Variants in YEATS2 observed in about 807,000 individuals in gnomAD.
YEATS2 encodes the protein YEATS domain-containing protein 2.
Under a neutral mutation model 163.2 loss-of-function variants are expected in YEATS2, and 77 were observed. The ratio of observed to expected loss-of-function variants is 0.47; its 90% CI spans 0.39 to 0.57. YEATS2 has a LOEUF of 0.57. Ranked by LOEUF, YEATS2 falls within the 20% of genes least tolerant of loss-of-function variation. The pLI is 0.00. For synonymous variants in YEATS2, 631 were observed against 645.1 expected, an observed-to-expected ratio of 0.98 and a Z score of 0.33; for missense variants, 1,549 against 1,729.8, an observed-to-expected ratio of 0.90 and a Z score of 1.85.
In YEATS2 at chr3:183,800,707, A is replaced by C. The variant is rs113767105; in HGVS notation, c.3428+139A>C. 3.8e-5 allele frequency: 25 copies of C among 652,576 alleles called. 1 individual carries two copies. In the South Asian group the frequency reaches 4.7e-4, roughly 12 times the overall value. The allele number at this position is 652,576 out of a possible 1,614,324, so 40.4% of individuals were successfully genotyped here. A position where few individuals can be genotyped will look rare whatever the true frequency, so the allele number is the denominator to read the frequency against. The stretch of plus-strand genomic sequence containing the variant: ...ACTGTCTGTCCCCGTGCAGTGGACA[A>C]GTGTTACCACTTGATGCACAGCTGA... On this transcript the variant is annotated intron_variant, in intron 24 of 30. Transcript: ENST00000305135.
At chr3:183,804,531 C>G (rs771702841) in intron 27 of YEATS2, among the ~76,000 whole-genome samples, 17 of 152,174 alleles carry the variant, frequency 1.1e-4, no homozygotes, top group Admixed American at 2.0e-4. Context: ...TTAGGGACAC[C>G]CCCCATGCCC....
chr3:183,802,512 T>C (rs1487148769), intron 25 of YEATS2: 1 of 151,182 alleles, frequency 6.6e-6, no homozygotes, highest in East Asian at 2.0e-4. Context: ...TGTGTGTGTA[T>C]ACATGTATAT....
intron 18 of YEATS2, 143 bp downstream of exon 18, chr3:183,776,266 G>A (rs369199458): frequency 3.9e-5 from 36 of 917,688 alleles, no homozygotes; most frequent in East Asian, 3.7e-4. Context: ...TATCTTGGCC[G>A]GGTGTGGTAA....
At chr3:183,784,379 G>A (rs1213000028) in intron 19 of YEATS2, among the ~76,000 whole-genome samples, 1 of 152,086 alleles carries the variant, frequency 6.6e-6, no homozygotes, top group Non-Finnish European at 1.5e-5. Flanking sequence ...TTGGCTACTT[G>A]TATATCTTCT....
chr3:183,748,926 A>G (rs1322646580), intron 9 of YEATS2, among the ~76,000 whole-genome samples: 7 of 151,778 alleles, frequency 4.6e-5, no homozygotes, highest in Non-Finnish European at 1.0e-4. Context: ...GTGTGTGTAT[A>G]TATATATATT....
At chr3:183,729,522 C>T (rs1198465331) in intron 7 of YEATS2, among the ~76,000 whole-genome samples, 1 of 152,094 alleles carries the variant, frequency 6.6e-6, no homozygotes, top group Non-Finnish European at 1.5e-5. Context: ...GAAAGTTTCC[C>T]ATGATCTCAC....
intron 1 of YEATS2, among the ~76,000 whole-genome samples, chr3:183,698,497 G>C (rs2108940533): frequency 6.6e-6 from 1 of 152,344 alleles, no homozygotes; most frequent in East Asian, 1.9e-4. Context: ...GTGCGGGGCG[G>C]AGTGGAAGCC....
At chr3:183,790,705 T>C in intron 20 of YEATS2, 92 bp from the exon 21 acceptor site, 1 of 1,369,380 alleles carries the variant, frequency 7.3e-7, no homozygotes, top group Non-Finnish European at 1.0e-6. Context: ...ATAGATGATA[T>C]TTAGTGTGTG....
At chr3:183,714,499 A>ATTT (rs928110039) in intron 1 of YEATS2, among the ~76,000 whole-genome samples, 1 of 147,226 alleles carries the variant, frequency 6.8e-6, no homozygotes, top group Non-Finnish European at 1.5e-5. Flanking sequence ...CCCGGCCGGG[A>ATTT]TTTTTTTTTT....
chr3:183,699,375 A>G (rs1038763168), intron 1 of YEATS2, among the ~76,000 whole-genome samples: 1 of 151,798 alleles, frequency 6.6e-6, no homozygotes, highest in Non-Finnish European at 1.5e-5. Context: ...AGTTGGATGT[A>G]GAGGGCTGGA....
At chr3:183,702,500 C>T (rs145936112) in intron 1 of YEATS2, among the ~76,000 whole-genome samples, 1 of 151,990 alleles carries the variant, frequency 6.6e-6, no homozygotes, top group East Asian at 1.9e-4. Flanking sequence ...TCCCACATGC[C>T]TCATTCTTCC....
intron 21 of YEATS2, among the ~76,000 whole-genome samples, chr3:183,791,336 T>A (rs1211468951): frequency 6.6e-6 from 1 of 152,144 alleles, no homozygotes; most frequent in Non-Finnish European, 1.5e-5. Context: ...TGCCCAGCTA[T>A]TTTTTTGGAG....
intron 8 of YEATS2, among the ~76,000 whole-genome samples, chr3:183,737,872 A>T (rs530104303): frequency 1.6e-3 from 249 of 152,246 alleles, no homozygotes; most frequent in East Asian, 6.9e-3. Context: ...CTTGATTTTT[A>T]AAAAAATTGA....
rs200566779 is a variant in YEATS2 at position 183,799,015 on chromosome 3, G to T, written c.3325+26G>T. On this transcript the variant is annotated intron_variant, in intron 23 of 30. Coordinates refer to ENST00000305135, the MANE Select transcript of YEATS2 (RefSeq NM_018023.5). The stretch of plus-strand genomic sequence containing the variant: ...GTACGTAGGATCTCACAGAGTTCTC[G>T]TCCAGAAGTTTTGTTACTTTTTTAT... 4.1e-5 allele frequency: 64 copies of T among 1,573,824 alleles called. No individual in the cohort carries two copies. In the African/African-American group the frequency reaches 7.5e-4, roughly 19 times the overall value.
chr3:183,728,897 T>C (rs1267352027), intron 7 of YEATS2, 46 bp downstream of exon 7: 1 of 1,533,026 alleles, frequency 6.5e-7, no homozygotes, highest in Non-Finnish European at 8.8e-7. Flanking sequence ...TGCAGACTTA[T>C]TTTTGAAGTG....
chr3:183,804,018 T>C lies in YEATS2; in HGVS notation c.3614T>C (p.Leu1205Ser). The C allele has an allele frequency of 6.2e-7, 1 of 1,614,082 alleles. No individual in the cohort carries two copies. The highest frequency in any genetic ancestry group is 8.5e-7 in the Non-Finnish European group (1 of 1,180,014). Residue 1205 changes from leucine to serine, a missense_variant, in exon 27 of 31, where the codon TTA becomes TCA. Coordinates refer to ENST00000305135, the MANE Select transcript of YEATS2 (RefSeq NM_018023.5). ...AGAGCAATGACAATGCGAAAAGTCT[T>C]ACAAGAAATCCTGGAGAAGAATCCG... ...WQRAMTMRKV[L>S]QEILEKNPRF...
intron 1 of YEATS2, among the ~76,000 whole-genome samples, chr3:183,709,305 A>G (rs1246256141): frequency 6.6e-6 from 1 of 152,180 alleles, no homozygotes. Context: ...ACTTATGGAA[A>G]AAATCATTTA....
At chr3:183,790,731 A>C (rs1439652315) in intron 20 of YEATS2, 66 bp from the exon 21 acceptor site, 2 of 1,561,374 alleles carry the variant, frequency 1.3e-6, no homozygotes, top group African/African-American at 2.7e-5. Flanking sequence ...TGTGGCCGTC[A>C]CCGCCGTCAG....
At position 183,793,416 on chromosome 3, in the gene YEATS2, C is replaced by T. The variant is rs910519483; in HGVS notation, c.3097+2436C>T. Reference sequence around the variant, plus strand: ...ATAGGGAGTACTTGTTCTCTACTAACTGTTTTATTTGAGGCCCTGTGTTGG... The same window carrying T: ...ATAGGGAGTACTTGTTCTCTACTAATTGTTTTATTTGAGGCCCTGTGTTGG... On this transcript the variant is annotated intron_variant, in intron 21 of 30. Coordinates refer to ENST00000305135, the MANE Select transcript of YEATS2 (RefSeq NM_018023.5). 2.9e-6 allele frequency: 3 copies of T among 1,020,180 alleles called. No individual in the cohort carries two copies. In the African/African-American group the frequency reaches 5.1e-5, roughly 17 times the overall value. 63.2% of individuals were successfully genotyped at this position (1,020,180 alleles called of 1,614,324 possible).
Sources: gnomAD v4.1 joint callset for allele counts (sites outside exome capture counted in the v4.1 genomes callset) on GRCh38, gnomAD v4.1.1 for gene constraint, MANE v1.5 for transcripts, NCBI Gene and HGNC (gene_info 2026-07-23, HGNC 2026-07-21) for gene names.